Variants in PPFIBP1 observed in about 807,000 individuals in gnomAD.
PPFIBP1 encodes the protein liprin-beta-1.
In PPFIBP1, 112 loss-of-function variants were observed where a neutral mutation model predicts 137.8. The ratio of observed to expected loss-of-function variants is 0.81; its 90% CI spans 0.70 to 0.95. The LOEUF (loss-of-function observed/expected upper bound fraction) is 0.95, where lower values mean the gene tolerates loss of function less well. PPFIBP1 is among the 40% of genes least tolerant of loss of function. The pLI is 0.00. For synonymous variants in PPFIBP1, 378 were observed against 417.3 expected (o/e 0.91, Z 1.15); for missense variants, 1,083 against 1,196.6 (o/e 0.91, Z 1.40).
Position 27,618,588 on chromosome 12 carries a change from C to T in PPFIBP1, c.-35-14774C>T, listed in dbSNP as rs192677406. ...GAAATTCATTGAATCTACCTATAAT[C>T]TGGAACTAACCAACCTCCCTCCCCC... On this transcript the variant is annotated intron_variant, in intron 2 of 29. Transcript: ENST00000228425. Among the ~76,000 whole-genome samples the T allele has an allele frequency of 2.9e-3, 441 of 152,334 alleles. 1 individual carries two copies. Among genetic ancestry groups the T allele is most frequent in the South Asian group, 0.023 (110 of 4,822 alleles).
chr12:27,588,872 G>C (rs1379569339), intron 2 of PPFIBP1, among the ~76,000 whole-genome samples: 1 of 152,206 alleles, frequency 6.6e-6, no homozygotes, highest in East Asian at 1.9e-4. Flanking sequence ...GTGGAATAAA[G>C]CGGAAATTGT....
In PPFIBP1 at chr12:27,694,476, G is replaced by A. The variant is rs2140701987; in HGVS notation, c.*1594G>A. The A allele has an allele frequency of 6.6e-6, 1 of 152,280 alleles. No individual in the cohort carries two copies. The highest frequency in any genetic ancestry group is 2.1e-4 in the South Asian group (1 of 4,832). The allele number at this position is 152,280 out of a possible 1,614,324, so 9.4% of individuals were successfully genotyped here. On this transcript the variant is annotated 3_prime_UTR_variant, in exon 30 of 30. Coordinates refer to ENST00000228425, the MANE Select transcript of PPFIBP1 (RefSeq NM_003622.4). ...AAATACTAGCAGTCTGCCTAAACAT[G>A]TTCATTGTACATTTCTCAGGCTATC...
intron 2 of PPFIBP1, among the ~76,000 whole-genome samples, chr12:27,580,457 C>T (rs1481895958): frequency 2.0e-5 from 3 of 152,160 alleles, no homozygotes; most frequent in Admixed American, 1.3e-4. Flanking sequence ...GTAAAATCTC[C>T]GCCTCTAAGA....
chr12:27,590,456 G>A (rs1449062772), intron 2 of PPFIBP1, among the ~76,000 whole-genome samples: 9 of 152,158 alleles, frequency 5.9e-5, no homozygotes, highest in Admixed American at 5.9e-4. Context: ...GATTACAGGC[G>A]TGAGCCACTG....
chr12:27,676,439 G>A lies in PPFIBP1; in HGVS notation c.1422G>A (p.Pro474=), dbSNP rs146181524. ...TIQKTSEDRA[P]AESRPFGTLP... is the part of the protein sequence containing the mutation. ...TATTTGCCTCTCAGGACAGAGCTCCGGCAGAAAGCAGGCCATTTGGGACCC... is the reference window on the plus strand; with the variant it reads ...TATTTGCCTCTCAGGACAGAGCTCCAGCAGAAAGCAGGCCATTTGGGACCC... The change falls in exon 18 of 30, where the codon CCG becomes CCA. Residue 474 remains proline, a synonymous_variant. Transcript: ENST00000228425. 7.5e-5 allele frequency: 115 copies of A among 1,535,878 alleles called. No homozygotes were observed. In the East Asian group the frequency reaches 8.4e-4, roughly 11 times the overall value.
At position 27,648,740 on chromosome 12, in the gene PPFIBP1, C is replaced by G. The variant is rs374869902; in HGVS notation, c.471+898C>G. Among the ~76,000 whole-genome samples the G allele has an allele frequency of 4.6e-5, 7 of 152,188 alleles. No homozygotes were observed. In the South Asian group the frequency reaches 1.2e-3, roughly 27 times the overall value. On this transcript the variant is annotated intron_variant, in intron 6 of 29. Transcript: ENST00000228425. ...GAAGGTCATTATGTGTGAAATAAGC[C>G]AAGCCCAGAAAAACAAACATCTCAC...
intron 1 of PPFIBP1, among the ~76,000 whole-genome samples, chr12:27,577,310 A>C (rs1450563198): frequency 3.3e-5 from 5 of 151,928 alleles, no homozygotes; most frequent in Non-Finnish European, 5.9e-5. Context: ...TTGATTAAAC[A>C]TCTGGGGTTA....
intron 27 of PPFIBP1, among the ~76,000 whole-genome samples, chr12:27,689,447 A>G (rs73084381): frequency 0.034 from 5,124 of 152,188 alleles, 112 homozygotes; most frequent in Middle Eastern, 0.058. Flanking sequence ...AATAAAAAAA[A>G]AAGAAGAAGA....
rs1463583111 is a variant in PPFIBP1, at chr12:27,646,010, A to G, written c.271-52A>G. The G allele has an allele frequency of 2.7e-5, 35 of 1,306,728 alleles. No homozygotes were observed. In the Admixed American group the frequency reaches 3.7e-4, roughly 14 times the overall value. The allele number at this position is 1,306,728 out of a possible 1,614,324, so 80.9% of individuals were successfully genotyped here. On this transcript the variant is annotated intron_variant, in intron 4 of 29. Transcript: ENST00000228425. ...CACTTGTGATTTTCATTTATCTACG[A>G]TATATCATTCTTAGAGAAGATCAGC...
At chr12:27,600,287 T>C (rs7303615) in intron 2 of PPFIBP1, among the ~76,000 whole-genome samples, 62,475 of 151,832 alleles carry the variant, frequency 0.41, 14,169 homozygotes, top group Non-Finnish European at 0.5. Context: ...ATACAAGAAA[T>C]TAGCCGGGTA....
At chr12:27,649,766 G>A (rs1277338659) in intron 6 of PPFIBP1, among the ~76,000 whole-genome samples, 1 of 152,088 alleles carries the variant, frequency 6.6e-6, no homozygotes, top group Non-Finnish European at 1.5e-5. Flanking sequence ...GTCCAGGCTG[G>A]TTCTCAAATT....
At chr12:27,681,399 T>C in intron 21 of PPFIBP1, 147 bp from the exon 22 acceptor site, 4 of 803,072 alleles carry the variant, frequency 5.0e-6, no homozygotes, top group Non-Finnish European at 7.8e-6. Flanking sequence ...GTTCCTCCAA[T>C]GTATACTAAA....
At chr12:27,599,665 A>T (rs1592752092) in intron 2 of PPFIBP1, among the ~76,000 whole-genome samples, 1 of 152,172 alleles carries the variant, frequency 6.6e-6, no homozygotes, top group East Asian at 1.9e-4. Context: ...ATTATGAAAT[A>T]CTTTAAGCAT....
intron 6 of PPFIBP1, 182 bp downstream of exon 6, chr12:27,648,024 T>C: frequency 2.9e-6 from 2 of 684,248 alleles, no homozygotes; most frequent in Non-Finnish European, 4.1e-6. Flanking sequence ...TATAAAGTGT[T>C]TATGTAATTA....
intron 2 of PPFIBP1, among the ~76,000 whole-genome samples, chr12:27,595,201 C>T (rs1565835673): frequency 6.6e-6 from 1 of 152,256 alleles, no homozygotes; most frequent in Non-Finnish European, 1.5e-5. Flanking sequence ...CTGTGAAGCC[C>T]CGGAAAGCAA....
intron 2 of PPFIBP1, among the ~76,000 whole-genome samples, chr12:27,621,945 T>A (rs2056382252): frequency 6.6e-6 from 1 of 152,206 alleles, no homozygotes; most frequent in Non-Finnish European, 1.5e-5. Context: ...TTTGCTGATA[T>A]GATCCATTGT....
chr12:27,587,554 C>T (rs1317638890), intron 2 of PPFIBP1, among the ~76,000 whole-genome samples: 1 of 135,352 alleles, frequency 7.4e-6, no homozygotes, highest in African/African-American at 2.7e-5. Flanking sequence ...ACCCGGGAGG[C>T]GGAGCTTGCA....
At chr12:27,657,569 A>T (rs560850037) in intron 9 of PPFIBP1, among the ~76,000 whole-genome samples, 1 of 151,636 alleles carries the variant, frequency 6.6e-6, no homozygotes. Context: ...TTGTCTGTCC[A>T]ATGAGGGACT....
chr12:27,693,052 C>A lies in PPFIBP1; in HGVS notation c.*170C>A. 9.3e-7 allele frequency: 1 copy of A among 1,072,846 alleles called. No homozygotes were observed. Among genetic ancestry groups the A allele is most frequent in the Non-Finnish European group, 1.3e-6 (1 of 793,800 alleles). 66.5% of individuals were successfully genotyped at this position (1,072,846 alleles called of 1,614,324 possible). A position where few individuals can be genotyped will look rare whatever the true frequency, so the allele number is the denominator to read the frequency against. On this transcript the variant is annotated 3_prime_UTR_variant, in exon 30 of 30. Transcript: ENST00000228425. Reference sequence around the variant, plus strand: ...GAGTAATGTGCCGATTCTGAAGTTGCCACAAAAAATAAGACACTGGTGAAT... The same window carrying A: ...GAGTAATGTGCCGATTCTGAAGTTGACACAAAAAATAAGACACTGGTGAAT...
Sources: gnomAD v4.1 joint callset for allele counts (sites outside exome capture counted in the v4.1 genomes callset) on GRCh38, gnomAD v4.1.1 for gene constraint, MANE v1.5 for transcripts, NCBI Gene and HGNC (gene_info 2026-07-23, HGNC 2026-07-21) for gene names.